PCDH15: variants seen among roughly 807,000 people sequenced by gnomAD.
The protein encoded by PCDH15 is protocadherin-15.
A neutral mutation model predicts 178.5 loss-of-function variants in PCDH15; 129 were observed. That is an observed-to-expected ratio of 0.72 (90% confidence interval 0.63 to 0.84). PCDH15 has a LOEUF of 0.84. PCDH15 is among the 40% of genes least tolerant of loss of function. The pLI, the probability that PCDH15 is intolerant of heterozygous loss-of-function variation, is 0.00. For synonymous variants in PCDH15, 800 were observed against 732.0 expected, an observed-to-expected ratio of 1.09 and a Z score of -1.50; for missense variants, 2,230 against 2,099.9, an observed-to-expected ratio of 1.06 and a Z score of -1.21.
intron 2 of PCDH15, among the ~76,000 whole-genome samples, chr10:54,922,942 C>T (rs7088960): frequency 0.11 from 17,115 of 152,198 alleles, 1,322 homozygotes; most frequent in East Asian, 0.23. Flanking sequence ...TCTGTGTGGG[C>T]GCTCCAACCC....
intron 25 of PCDH15, among the ~76,000 whole-genome samples, chr10:53,916,234 C>T (rs1320775708): frequency 6.6e-6 from 1 of 152,136 alleles, no homozygotes; most frequent in Non-Finnish European, 1.5e-5. Flanking sequence ...TTCACGAATG[C>T]AGAACCCATG....
chr10:53,925,562 A>T (rs1211089874), intron 25 of PCDH15, among the ~76,000 whole-genome samples: 1 of 152,238 alleles, frequency 6.6e-6, no homozygotes, highest in Non-Finnish European at 1.5e-5. Flanking sequence ...AGCAGAATGG[A>T]TCTAAACAGC....
chr10:54,917,443 C>T (rs1837366846), intron 2 of PCDH15, among the ~76,000 whole-genome samples: 1 of 152,122 alleles, frequency 6.6e-6, no homozygotes, highest in Admixed American at 6.6e-5. Flanking sequence ...CCTTCCTTAC[C>T]ACCAGTATTG....
intron 11 of PCDH15, among the ~76,000 whole-genome samples, chr10:54,187,825 C>T (rs570127725): frequency 2.0e-5 from 3 of 151,690 alleles, no homozygotes; most frequent in Admixed American, 6.6e-5. Flanking sequence ...TAAATATCCT[C>T]GTATTAATTT....
chr10:55,263,505 C>G (rs1842199971), intron 1 of PCDH15, among the ~76,000 whole-genome samples: 3 of 152,014 alleles, frequency 2.0e-5, no homozygotes, highest in African/African-American at 7.2e-5. Context: ...GCACAACTTG[C>G]AAAGCTCGCA....
In PCDH15 at chr10:55,601,641, A is replaced by T. The variant is rs146886117; in HGVS notation, c.-156+25984T>A. ...TATTATGACAATGATATAAAGAATA[A>T]AATTGAGTAAAAAAATAGAAAGCTG... is the stretch of plus-strand genomic sequence containing the variant. On this transcript the variant is annotated intron_variant, in intron 2 of 5. Transcript: ENST00000613346. Among the ~76,000 whole-genome samples, 470 of 152,308 alleles carry T rather than the reference A, an allele frequency of 3.1e-3. 1 individual carries two copies. Among genetic ancestry groups the T allele is most frequent in the African/African-American group, 0.01 (432 of 41,568 alleles).
intron 14 of PCDH15, among the ~76,000 whole-genome samples, chr10:54,133,789 A>G (rs2042647630): frequency 6.6e-6 from 1 of 152,116 alleles, no homozygotes; most frequent in African/African-American, 2.4e-5. Context: ...ATTAGCTGAA[A>G]TATATCAATG....
At chr10:54,959,777 T>C (rs189507993) in intron 2 of PCDH15, among the ~76,000 whole-genome samples, 1 of 152,204 alleles carries the variant, frequency 6.6e-6, no homozygotes, top group East Asian at 1.9e-4. Flanking sequence ...TAAAAATTAT[T>C]CTGTAGGAAA....
chr10:54,684,587 C>A (rs981873245), intron 1 of PCDH15, among the ~76,000 whole-genome samples: 1 of 151,758 alleles, frequency 6.6e-6, no homozygotes, highest in Non-Finnish European at 1.5e-5. Flanking sequence ...CAAGTTGAAG[C>A]TATTACAAAA....
chr10:54,938,811 G>A (rs139676374), intron 2 of PCDH15, among the ~76,000 whole-genome samples: 6 of 152,232 alleles, frequency 3.9e-5, no homozygotes, highest in Admixed American at 1.3e-4. Flanking sequence ...ACTTTTCTCC[G>A]CTCTGATCTT....
At chr10:54,914,538 C>G (rs1954870292) in intron 2 of PCDH15, among the ~76,000 whole-genome samples, 1 of 152,066 alleles carries the variant, frequency 6.6e-6, no homozygotes, top group Non-Finnish European at 1.5e-5. Flanking sequence ...TACTGGTTTT[C>G]CATGGAAACT....
intron 2 of PCDH15, among the ~76,000 whole-genome samples, chr10:54,580,485 G>A (rs903715083): frequency 8.5e-5 from 13 of 152,124 alleles, no homozygotes; most frequent in Middle Eastern, 3.4e-3. Context: ...TCCCTGACCA[G>A]GTGGACATAA....
chr10:55,241,955 C>T (rs1054149998), intron 1 of PCDH15, among the ~76,000 whole-genome samples: 8 of 152,206 alleles, frequency 5.3e-5, no homozygotes, highest in African/African-American at 1.7e-4. Context: ...TTTGTCTCTG[C>T]ATGAGAGTGA....
At chr10:54,166,283 G>A (rs74593212) in intron 13 of PCDH15, among the ~76,000 whole-genome samples, 2,765 of 152,238 alleles carry the variant, frequency 0.018, 41 homozygotes, top group South Asian at 0.085. Context: ...TAATTGTGAT[G>A]TTTTCTGATT....
chr10:54,463,719 C>G (rs2077340403), intron 3 of PCDH15, among the ~76,000 whole-genome samples: 1 of 152,036 alleles, frequency 6.6e-6, no homozygotes, highest in East Asian at 1.9e-4. Context: ...ATTCCCAGAG[C>G]CTCCCATGAC....
rs1054386951 is a variant in PCDH15 at position 54,523,170 on chromosome 10, T to A, written c.157+4642A>T. Among the ~76,000 whole-genome samples the A allele has an allele frequency of 3.3e-5, 5 of 152,280 alleles. No individual in the cohort carries two copies. The South Asian group carries it at 8.3e-4, about 25-fold the overall frequency. Reference sequence around the variant, plus strand: ...GATTACTGTATGACAAAATGGAGAATCTAGAAAGCAAAAACTTGGATCAAT... The same window carrying A: ...GATTACTGTATGACAAAATGGAGAAACTAGAAAGCAAAAACTTGGATCAAT... On this transcript the variant is annotated intron_variant, in intron 3 of 37. Transcript: ENST00000644397.
At chr10:54,778,696 TAA>T (rs1156756771) in intron 1 of PCDH15, among the ~76,000 whole-genome samples, 3 of 152,152 alleles carry the variant, frequency 2.0e-5, no homozygotes, top group African/African-American at 7.2e-5. Context: ...AATATAATTC[TAA>T]AAGAGTTTCT....
intron 2 of PCDH15, among the ~76,000 whole-genome samples, chr10:55,539,126 C>T (rs2132074288): frequency 6.7e-6 from 1 of 148,624 alleles, no homozygotes; most frequent in Non-Finnish European, 1.5e-5. Context: ...AATGTGTGTA[C>T]TATTATTTCC....
At chr10:55,277,583 A>G (rs890232435) in intron 1 of PCDH15, among the ~76,000 whole-genome samples, 1 of 152,154 alleles carries the variant, frequency 6.6e-6, no homozygotes, top group Admixed American at 6.5e-5. Flanking sequence ...CTGGAAGCAT[A>G]CAAAACTAGT....
Sources: gnomAD v4.1 joint callset for allele counts (sites outside exome capture counted in the v4.1 genomes callset) on GRCh38, gnomAD v4.1.1 for gene constraint, MANE v1.5 for transcripts, NCBI Gene and HGNC (gene_info 2026-07-23, HGNC 2026-07-21) for gene names.